Variants in PLD5 observed in about 807,000 individuals in gnomAD.
PLD5 encodes phospholipase D family member 5.
Under a neutral mutation model 61.1 loss-of-function variants are expected in PLD5, and 36 were observed. That is an observed-to-expected ratio of 0.59 (90% CI 0.45 to 0.78). The LOEUF (loss-of-function observed/expected upper bound fraction) is 0.78. PLD5 is among the 30% of genes least tolerant of loss of function. The pLI is 0.00. For synonymous variants in PLD5, 243 were observed against 242.8 expected (o/e 1.00, Z -0.01); for missense variants, 515 against 644.4 (o/e 0.80, Z 2.17).
intron 1 of PLD5, among the ~76,000 whole-genome samples, chr1:242,490,470 C>T (rs1025118238): frequency 2.0e-5 from 3 of 152,212 alleles, no homozygotes; most frequent in African/African-American, 7.2e-5. Context: ...ACCTCGAACA[C>T]AGGATTACTA....
At chr1:242,400,137 C>T (rs1572069783) in intron 1 of PLD5, among the ~76,000 whole-genome samples, 1 of 151,906 alleles carries the variant, frequency 6.6e-6, no homozygotes, top group East Asian at 1.9e-4. Context: ...CATTGCACTC[C>T]AGCCTGAGCG....
chr1:242,378,785 G>A (rs1375549682), intron 1 of PLD5, among the ~76,000 whole-genome samples: 1 of 152,046 alleles, frequency 6.6e-6, no homozygotes, highest in Non-Finnish European at 1.5e-5. Context: ...AGGTTGCAGT[G>A]AGCAGAGATC....
intron 1 of PLD5, among the ~76,000 whole-genome samples, chr1:242,391,634 T>C (rs1459119692): frequency 1.3e-5 from 2 of 152,204 alleles, no homozygotes; most frequent in South Asian, 4.1e-4. Flanking sequence ...GGTTTCCGAG[T>C]ACCCATTCTG....
At chr1:242,494,073 CCCCTCCCCTG>C (rs1668270750) in intron 1 of PLD5, among the ~76,000 whole-genome samples, 1 of 118,812 alleles carries the variant, frequency 8.4e-6, no homozygotes, top group Non-Finnish European at 1.7e-5. Context: ...TCCCTCCACT[CCCCTCCCCTG>C]CCCTCCCTTC....
At chr1:242,230,103 C>T (rs1014850210) in intron 4 of PLD5, among the ~76,000 whole-genome samples, 15 of 152,054 alleles carry the variant, frequency 9.9e-5, no homozygotes, top group African/African-American at 3.4e-4. Flanking sequence ...CAGGATAGCC[C>T]CCAAACAGCA....
intron 1 of PLD5, among the ~76,000 whole-genome samples, chr1:242,460,439 A>G (rs943823000): frequency 1.3e-5 from 2 of 152,218 alleles, no homozygotes; most frequent in African/African-American, 4.8e-5. Flanking sequence ...CAGATCCCGC[A>G]ATAGGATTAG....
At chr1:242,102,156 C>T (rs764150262) in intron 8 of PLD5, among the ~76,000 whole-genome samples, 5 of 152,188 alleles carry the variant, frequency 3.3e-5, no homozygotes, top group South Asian at 4.1e-4. Flanking sequence ...GAAGTCACCT[C>T]GCTTGGACAT....
At chr1:242,301,902 C>G (rs1403207818) in intron 2 of PLD5, among the ~76,000 whole-genome samples, 1 of 151,834 alleles carries the variant, frequency 6.6e-6, no homozygotes, top group African/African-American at 2.4e-5. Context: ...TTCAGCCTCC[C>G]GAGTAGCTGG....
At chr1:242,409,436 T>C (rs1465695303) in intron 1 of PLD5, among the ~76,000 whole-genome samples, 4 of 151,364 alleles carry the variant, frequency 2.6e-5, no homozygotes, top group Non-Finnish European at 1.5e-5. Flanking sequence ...AAATTGTCCA[T>C]GTTGCCTTAT....
intron 1 of PLD5, among the ~76,000 whole-genome samples, chr1:242,417,475 T>G (rs1664895071): frequency 6.6e-6 from 1 of 152,148 alleles, no homozygotes; most frequent in Non-Finnish European, 1.5e-5. Flanking sequence ...CCCCTTAGTT[T>G]GCATGTAATT....
intron 1 of PLD5, among the ~76,000 whole-genome samples, chr1:242,437,330 C>T (rs995737018): frequency 2.0e-5 from 3 of 152,138 alleles, no homozygotes; most frequent in Admixed American, 6.5e-5. Context: ...TGGCACCGAC[C>T]GCCTGCCAAA....
chr1:242,346,916 C>G (rs1660170984), intron 2 of PLD5, among the ~76,000 whole-genome samples: 2 of 152,214 alleles, frequency 1.3e-5, no homozygotes, highest in African/African-American at 4.8e-5. Context: ...ATTTGGTTTT[C>G]TGCTCCTGCA....
intron 4 of PLD5, among the ~76,000 whole-genome samples, chr1:242,265,020 C>T (rs888889533): frequency 5.3e-5 from 8 of 152,138 alleles, no homozygotes; most frequent in South Asian, 2.1e-4. Context: ...TCTATTCTGA[C>T]GCGAAGTGGT....
chr1:242,394,214 GTA>G lies in PLD5; in HGVS notation c.190-45974_190-45973del, dbSNP rs545258212. On this transcript the variant is annotated intron_variant, in intron 1 of 9. Coordinates refer to ENST00000536534, the MANE Select transcript of PLD5 (RefSeq NM_001372062.1). The stretch of plus-strand genomic sequence containing the variant: ...TATGAGTATATATATGTGTATATGA[GTA>G]TATATATGTGTATATATATGAGTAT... Among the ~76,000 whole-genome samples, 54 of 29,676 alleles carry G rather than the reference GTA, an allele frequency of 1.8e-3. 16 individuals carry two copies. The highest frequency in any genetic ancestry group is 8.5e-3 in the East Asian group (8 of 944). The allele number at this position is 29,676 out of a possible 152,430, so 19.5% of individuals were successfully genotyped here. A position where few individuals can be genotyped will look rare whatever the true frequency, so the allele number is the denominator to read the frequency against.
intron 1 of PLD5, among the ~76,000 whole-genome samples, chr1:242,489,354 T>G: frequency 6.9e-6 from 1 of 145,112 alleles, no homozygotes; most frequent in East Asian, 2.0e-4. Context: ...TGAATGTAAG[T>G]CACACCTCGA....
At position 242,206,783 on chromosome 1, in the gene PLD5, C is replaced by T. The variant is rs140266601; in HGVS notation, c.735+13205G>A. Among the ~76,000 whole-genome samples, 575 of 151,956 alleles carry T rather than the reference C, an allele frequency of 3.8e-3. 7 individuals are homozygous for T. The highest frequency in any genetic ancestry group is 0.013 in the African/African-American group (525 of 41,430). ...AGAGGATGGGTTGGCATTCCTGCCT[C>T]AGGAATGGCAGAGGTAGAAGAGGTG... On this transcript the variant is annotated intron_variant, in intron 5 of 9. Coordinates refer to ENST00000536534, the MANE Select transcript of PLD5 (RefSeq NM_001372062.1).
chr1:242,490,675 C>G (rs781400815), intron 1 of PLD5, among the ~76,000 whole-genome samples: 2 of 152,152 alleles, frequency 1.3e-5, no homozygotes, highest in Non-Finnish European at 2.9e-5. Context: ...TTGTGTAGAA[C>G]CCACATCTGC....
intron 1 of PLD5, among the ~76,000 whole-genome samples, chr1:242,417,886 C>T (rs1198264213): frequency 3.3e-5 from 5 of 152,128 alleles, no homozygotes; most frequent in African/African-American, 1.2e-4. Flanking sequence ...CCTTGTAGGC[C>T]ATTGCAAGCT....
chr1:242,463,798 G>A (rs996084876), intron 1 of PLD5, among the ~76,000 whole-genome samples: 9 of 149,396 alleles, frequency 6.0e-5, no homozygotes, highest in South Asian at 2.1e-4. Flanking sequence ...CTTACTCTAC[G>A]CTGGATCACA....
Sources: allele counts gnomAD v4.1 joint callset (sites outside exome capture counted in the v4.1 genomes callset), GRCh38; gene constraint gnomAD v4.1.1; transcripts MANE v1.5; gene names NCBI Gene and HGNC (gene_info 2026-07-23, HGNC 2026-07-21).